Variants in PALLD observed in about 807,000 individuals in gnomAD.
The protein encoded by PALLD is palladin, cytoskeletal associated protein, also known as palladin.
In PALLD, 61 loss-of-function variants were observed where a neutral mutation model predicts 123.5. That is an observed-to-expected ratio of 0.49 (90% CI 0.40 to 0.61). The LOEUF is 0.61. Ranked by LOEUF, PALLD falls within the 20% of genes least tolerant of loss-of-function variation. PALLD has a pLI of 0.00. For missense variants in PALLD, 1,273 were observed against 1,377.0 expected (o/e 0.92, Z 1.20); for synonymous variants, 465 against 496.4 (o/e 0.94, Z 0.84).
chr4:168,832,234 C>G, intron 10 of PALLD: 1 of 932,452 alleles, frequency 1.1e-6, no homozygotes, highest in Non-Finnish European at 1.3e-6. Flanking sequence ...GGGAGTGCAG[C>G]GTGCAGGGTG....
chr4:168,816,826 G>A, intron 10 of PALLD, among the ~76,000 whole-genome samples: 1 of 10,656 alleles, frequency 9.4e-5, no homozygotes, highest in Admixed American at 8.0e-4. Context: ...CCGTGTGTGT[G>A]TGTGTGTGTG....
intron 15 of PALLD, among the ~76,000 whole-genome samples, chr4:168,910,719 T>TA (rs1176692472): frequency 6.6e-6 from 1 of 152,186 alleles, no homozygotes; most frequent in Non-Finnish European, 1.5e-5. Flanking sequence ...AAGATTAAGT[T>TA]ACCTGCCTAA....
At chr4:168,541,539 G>C (rs888446577) in intron 2 of PALLD, among the ~76,000 whole-genome samples, 69 of 151,786 alleles carry the variant, frequency 4.5e-4, no homozygotes, top group African/African-American at 1.6e-3. Flanking sequence ...AGTGGCATGA[G>C]GCCCAGGTTC....
chr4:168,878,351 G>C (rs1581874270), intron 10 of PALLD: 2 of 1,519,434 alleles, frequency 1.3e-6, no homozygotes, highest in Non-Finnish European at 1.8e-6. Context: ...GCCGCCGCCG[G>C]CGGCCGTCAA....
intron 10 of PALLD, among the ~76,000 whole-genome samples, chr4:168,734,640 A>G (rs1217150005): frequency 2.0e-5 from 3 of 152,142 alleles, no homozygotes; most frequent in Admixed American, 1.3e-4. Flanking sequence ...GCTGCTGTAA[A>G]CGTTTTTAAA....
intron 1 of PALLD, among the ~76,000 whole-genome samples, chr4:168,506,369 TTC>T (rs10689129): frequency 6.6e-6 from 1 of 151,158 alleles, no homozygotes; most frequent in Non-Finnish European, 1.5e-5. Context: ...AATCTCATGT[TTC>T]TCTCTCTCTC....
At chr4:168,627,040 C>T (rs2710856) in intron 2 of PALLD, among the ~76,000 whole-genome samples, 65,962 of 152,012 alleles carry the variant, frequency 0.43, 14,478 homozygotes, top group African/African-American at 0.49. Flanking sequence ...TGAACATACT[C>T]AACACTACAG....
chr4:168,819,990 G>C (rs1742490607), intron 10 of PALLD, among the ~76,000 whole-genome samples: 1 of 152,196 alleles, frequency 6.6e-6, no homozygotes, highest in African/African-American at 2.4e-5. Flanking sequence ...CTGTTCTCTA[G>C]AGCTCTACTT....
intron 10 of PALLD, among the ~76,000 whole-genome samples, chr4:168,872,688 A>C (rs1245278933): frequency 6.6e-6 from 1 of 151,828 alleles, no homozygotes; most frequent in Non-Finnish European, 1.5e-5. Flanking sequence ...TTACTGTGTA[A>C]ATAAATGATC....
At chr4:168,725,009 C>T (rs1227470397) in intron 10 of PALLD, among the ~76,000 whole-genome samples, 2 of 152,198 alleles carry the variant, frequency 1.3e-5, no homozygotes, top group Non-Finnish European at 1.5e-5. Flanking sequence ...ATGCTCTGCT[C>T]CATTTCACAA....
intron 2 of PALLD, among the ~76,000 whole-genome samples, chr4:168,562,029 A>C (rs1767918349): frequency 6.6e-6 from 1 of 152,112 alleles, no homozygotes; most frequent in South Asian, 2.1e-4. Flanking sequence ...TAACAGCTGG[A>C]TTATTATCTA....
In PALLD at chr4:168,564,075, A is replaced by G. The variant is rs536321307; in HGVS notation, c.908+51663A>G. On this transcript the variant is annotated intron_variant, in intron 2 of 21. Coordinates refer to ENST00000505667, the MANE Select transcript of PALLD (RefSeq NM_001166108.2). ...ATGGAAGAAAATCTCTCTGGGCTTC[A>G]TTAGGATGAGAAGATGAGAGTTTTA... 5.1e-4 allele frequency among the ~76,000 whole-genome samples: 77 copies of G among 152,266 alleles called. 1 individual carries two copies. Among genetic ancestry groups the G allele is most frequent in the African/African-American group, 1.8e-3 (76 of 41,538 alleles).
intron 10 of PALLD, among the ~76,000 whole-genome samples, chr4:168,761,362 A>C (rs1732799860): frequency 6.6e-6 from 1 of 151,700 alleles, no homozygotes; most frequent in Admixed American, 6.6e-5. Context: ...AGCATGTAAA[A>C]CTCGGAGATT....
At chr4:168,641,568 TGCTGAC>T (rs1425638409) in intron 2 of PALLD, among the ~76,000 whole-genome samples, 1 of 152,190 alleles carries the variant, frequency 6.6e-6, no homozygotes, top group African/African-American at 2.4e-5. Context: ...TCTTCAGTTT[TGCTGAC>T]GCATTGAACT....
intron 10 of PALLD, among the ~76,000 whole-genome samples, chr4:168,777,857 C>T (rs1469858454): frequency 6.6e-6 from 1 of 152,202 alleles, no homozygotes; most frequent in African/African-American, 2.4e-5. Context: ...AATGAGCACT[C>T]ACTTCTTGGG....
intron 10 of PALLD, among the ~76,000 whole-genome samples, chr4:168,774,685 G>C (rs1389987310): frequency 7.5e-6 from 1 of 133,482 alleles, no homozygotes; most frequent in African/African-American, 3.0e-5. Flanking sequence ...CCGAGATCAT[G>C]CCACTGCACT....
At chr4:168,788,186 C>G (rs750918513) in intron 10 of PALLD, among the ~76,000 whole-genome samples, 14 of 152,272 alleles carry the variant, frequency 9.2e-5, no homozygotes, top group Non-Finnish European at 1.9e-4. Flanking sequence ...AACCTAAGTA[C>G]TAAATCACAA....
At chr4:168,917,466 G>C (rs1189222568) in intron 17 of PALLD, among the ~76,000 whole-genome samples, 1 of 152,188 alleles carries the variant, frequency 6.6e-6, no homozygotes, top group African/African-American at 2.4e-5. Flanking sequence ...TCTCAAAGGA[G>C]TTTAGGGAAA....
At chr4:168,533,566 G>A (rs1017497784) in intron 2 of PALLD, among the ~76,000 whole-genome samples, 10 of 152,176 alleles carry the variant, frequency 6.6e-5, no homozygotes, top group Non-Finnish European at 1.2e-4. Context: ...TGGATGTTAC[G>A]GAGAAGTCCA....
Sources: allele counts gnomAD v4.1 joint callset (sites outside exome capture counted in the v4.1 genomes callset), GRCh38; gene constraint gnomAD v4.1.1; transcripts MANE v1.5; gene names NCBI Gene and HGNC (gene_info 2026-07-23, HGNC 2026-07-21).